Variants in SH3TC2 observed in about 807,000 individuals in gnomAD.
SH3TC2 encodes the protein SH3 domain and tetratricopeptide repeats 2.
Under a neutral mutation model 124.5 loss-of-function variants are expected in SH3TC2, and 87 were observed. The observed-to-expected ratio is 0.70, with a 90% CI of 0.59 to 0.84. The LOEUF is 0.84. Ranked by LOEUF, SH3TC2 falls within the 40% of genes least tolerant of loss-of-function variation. SH3TC2 has a pLI of 0.00. For synonymous variants in SH3TC2, 634 were observed against 628.5 expected (o/e 1.01, Z -0.13); for missense variants, 1,536 against 1,566.4 (o/e 0.98, Z 0.33).
chr5:149,055,997 T>C (rs142374185), intron 1 of SH3TC2, among the ~76,000 whole-genome samples: 13 of 152,324 alleles, frequency 8.5e-5, no homozygotes, highest in Non-Finnish European at 1.6e-4. Context: ...TCGATGAGTA[T>C]ATTCACTTGT....
rs201323132 is a variant in SH3TC2 at position 148,994,697 on chromosome 5, A to AGGATGGATGGATGGAT, written c.*9998_*10013dup. Among the ~76,000 whole-genome samples, 1,702 of 144,826 alleles carry AGGATGGATGGATGGAT rather than the reference A, an allele frequency of 0.012. 18 individuals are homozygous for AGGATGGATGGATGGAT. Among genetic ancestry groups the AGGATGGATGGATGGAT allele is most frequent in the East Asian group, 0.027 (136 of 4,948 alleles). ...TTGGATAAATGAATGGATGGATGGA[A>AGGATGGATGGATGGAT]GGATGGATGGATGGATGGATGGATG... is the stretch of plus-strand genomic sequence containing the variant. On this transcript the variant is annotated 3_prime_UTR_variant, in exon 17 of 17. Transcript: ENST00000515425.
rs143769379 is a variant in SH3TC2, at chr5:149,050,422, T to C, written c.151+1720A>G. Among the ~76,000 whole-genome samples the C allele has an allele frequency of 3.5e-3, 526 of 152,302 alleles. 2 individuals are homozygous for C. The highest frequency in any genetic ancestry group is 0.01 in the African/African-American group (419 of 41,560). On this transcript the variant is annotated intron_variant, in intron 2 of 16. Transcript: ENST00000515425. ...TCCCCTTCTCACTCCATGACCTTCC[T>C]GGAAACAGCATCAGGGTGGAAAATG...
At chr5:149,054,907 T>C (rs1754616245) in intron 1 of SH3TC2, among the ~76,000 whole-genome samples, 3 of 152,168 alleles carry the variant, frequency 2.0e-5, no homozygotes, top group Admixed American at 1.3e-4. Flanking sequence ...AGAAGGGAAG[T>C]CAAGGATGGG....
At chr5:149,054,648 G>T (rs1754612071) in intron 1 of SH3TC2, among the ~76,000 whole-genome samples, 1 of 152,162 alleles carries the variant, frequency 6.6e-6, no homozygotes, top group Non-Finnish European at 1.5e-5. Flanking sequence ...CCAGATGCTT[G>T]AGTTTGTTTT....
At position 148,992,604 on chromosome 5, in the gene SH3TC2, T is replaced by C. The variant is rs1179445233; in HGVS notation, c.*12107A>G. Among the ~76,000 whole-genome samples, 1 of 51,262 alleles carries C rather than the reference T, an allele frequency of 2.0e-5. No individual in the cohort carries two copies. Among genetic ancestry groups the C allele is most frequent in the African/African-American group, 1.2e-4 (1 of 8,394 alleles). 33.6% of individuals were successfully genotyped at this position (51,262 alleles called of 152,430 possible). A position where few individuals can be genotyped will look rare whatever the true frequency, so the allele number is the denominator to read the frequency against. ...TTCCAAGAAGAGATTTCATTGGTTT[T>C]TTTTTTTTTTTTTTTTTTCAGATTT... is the stretch of plus-strand genomic sequence containing the variant. On this transcript the variant is annotated 3_prime_UTR_variant, in exon 17 of 17. Transcript: ENST00000515425.
chr5:149,043,693 T>G (rs1211494896), intron 4 of SH3TC2: 1 of 151,208 alleles, frequency 6.6e-6, no homozygotes, highest in African/African-American at 2.4e-5. Context: ...AACGAGCCGG[T>G]CTATGGAGCA....
chr5:149,037,433 C>T (rs527502038), intron 8 of SH3TC2, among the ~76,000 whole-genome samples: 2 of 152,310 alleles, frequency 1.3e-5, no homozygotes, highest in East Asian at 1.9e-4. Flanking sequence ...CCTCTCCCCA[C>T]GAAGGGCAGG....
At position 148,998,832 on chromosome 5, in the gene SH3TC2, C is replaced by A. The variant is rs945686921; in HGVS notation, c.*5879G>T. The stretch of plus-strand genomic sequence containing the variant: ...CCTCCATCCTCAAGTCCCCTGAGTT[C>A]TGGAATAATCAGACAGAGTTGGGAG... On this transcript the variant is annotated 3_prime_UTR_variant, in exon 17 of 17. Transcript: ENST00000515425. 2.0e-5 allele frequency among the ~76,000 whole-genome samples: 3 copies of A among 152,148 alleles called. No individual in the cohort carries two copies. The highest frequency in any genetic ancestry group is 7.2e-5 in the African/African-American group (3 of 41,424).
In SH3TC2 at chr5:149,028,269, T is replaced by G; in HGVS notation, c.1463A>C (p.Asp488Ala). 1 of 1,613,924 alleles carries G rather than the reference T, an allele frequency of 6.2e-7. No individual in the cohort carries two copies. The highest frequency in any genetic ancestry group is 8.5e-7 in the Non-Finnish European group (1 of 1,180,028). ...GYADHFKSLY[D>A]FSFSFLTSSF... ...AGAAGTGAGGAAAGAGAAGGAGAAGTCATAGAGACTCTTAAAGTGGTCAGC... is the reference window on the plus strand; with the variant it reads ...AGAAGTGAGGAAAGAGAAGGAGAAGGCATAGAGACTCTTAAAGTGGTCAGC... Residue 488 changes from aspartate (D) to alanine (A), a missense_variant, in exon 11 of 17, where the codon GAC (aspartate) becomes GCC (alanine). By Grantham distance (126) the Asp-to-Ala change is moderately radical. Around this residue, in one of 3 missense-constraint regions of SH3TC2, gnomAD observed 1,102 missense variants for 1,098.6 expected, o/e 1.00. Transcript: ENST00000515425.
rs148831039 is a variant in SH3TC2, at chr5:149,006,940, C to A, written c.3616G>T (p.Ala1206Ser). 2 of 1,613,994 alleles carry A rather than the reference C, an allele frequency of 1.2e-6. No individual in the cohort carries two copies. Among genetic ancestry groups the A allele is most frequent in the East Asian group, 4.5e-5 (2 of 44,884 alleles). Reference sequence around the variant, plus strand: ...TAATACACCTTGGCATAGTACAGGGCCTCCTTGGGACTCTGCAGCCATGGT... The same window carrying A: ...TAATACACCTTGGCATAGTACAGGGACTCCTTGGGACTCTGCAGCCATGGT... ...CPPWLQSPKE[A>S]LYYAKVYYRL... Residue 1206 changes from alanine to serine, a missense_variant, in exon 16 of 17, where the codon GCC becomes TCC. By Grantham distance (99) the Ala-to-Ser change is moderately conservative (BLOSUM62 1). This residue lies in a region of SH3TC2 where 426 missense variants were observed against 443.5 expected (regional missense o/e 0.96). Coordinates refer to ENST00000515425, the MANE Select transcript of SH3TC2 (RefSeq NM_024577.4).
In SH3TC2 at chr5:149,007,230, T is replaced by A. The variant is rs538942272; in HGVS notation, c.3479-153A>T. Reference sequence around the variant, plus strand: ...AAGACAGAAGAGGTGCCTGTACTCATAAAGCTTATTGTCTCACATGACAGA... The same window carrying A: ...AAGACAGAAGAGGTGCCTGTACTCAAAAAGCTTATTGTCTCACATGACAGA... On this transcript the variant is annotated intron_variant, in intron 15 of 16. Coordinates refer to ENST00000515425, the MANE Select transcript of SH3TC2 (RefSeq NM_024577.4). 7.5e-4 allele frequency: 540 copies of A among 718,312 alleles called. 1 individual carries two copies. The highest frequency in any genetic ancestry group is 1.3e-3 in the Non-Finnish European group (507 of 398,688). The allele number at this position is 718,312 out of a possible 1,614,324, so 44.5% of individuals were successfully genotyped here. A position where few individuals can be genotyped will look rare whatever the true frequency, so the allele number is the denominator to read the frequency against.
At position 149,031,587 on chromosome 5, in the gene SH3TC2, CA is replaced by C; in HGVS notation, c.1101del (p.Ala368LeufsTer24). 6.2e-7 allele frequency: 1 copy of C among 1,614,130 alleles called. No homozygotes were observed. The highest frequency in any genetic ancestry group is 8.5e-7 in the Non-Finnish European group (1 of 1,180,028). On this transcript the variant is annotated frameshift_variant, in exon 9 of 17. Transcript: ENST00000515425. LOFTEE classifies it high-confidence loss of function. Reference protein sequence around the residue: ...QTECSSFLHTLARTDITSVYR... With the variant: ...QTECSSFLHTXARTDITSVYR... The stretch of plus-strand genomic sequence containing the variant: ...TAGACAGATGTGATGTCAGTGCGAG[CA>C]AGAGTGTGGAGGAAGCTGGAACACT...
chr5:148,998,138 G>C lies in SH3TC2; in HGVS notation c.*6573C>G, dbSNP rs1287074796. ...AATAGAATGTTTTTAAAAATGAATA[G>C]AACAAAACAGAATGTATGAGTGCAT... is the stretch of plus-strand genomic sequence containing the variant. On this transcript the variant is annotated 3_prime_UTR_variant, in exon 17 of 17. Transcript: ENST00000515425. Among the ~76,000 whole-genome samples, 1 of 151,976 alleles carries C rather than the reference G, an allele frequency of 6.6e-6. No homozygotes were observed. The highest frequency in any genetic ancestry group is 1.5e-5 in the Non-Finnish European group (1 of 67,996).
intron 7 of SH3TC2, among the ~76,000 whole-genome samples, chr5:149,039,267 A>G (rs1323207326): frequency 6.6e-6 from 1 of 152,218 alleles, no homozygotes; most frequent in Non-Finnish European, 1.5e-5. Flanking sequence ...GGTCTTCTCA[A>G]GAGCTTCAAA....
chr5:149,027,796 G>C lies in SH3TC2; in HGVS notation c.1936C>G (p.Leu646Val). 4.3e-6 allele frequency: 7 copies of C among 1,613,968 alleles called. No homozygotes were observed. Among genetic ancestry groups the C allele is most frequent in the Non-Finnish European group, 5.9e-6 (7 of 1,180,016 alleles). ...CFLAIRLLLS[L>V]GRHEEVLPFA... The stretch of plus-strand genomic sequence containing the variant: ...GGCAGGACCTCCTCGTGCCGGCCTA[G>C]GCTCAGGAGCAAGCGGATGGCCAGA... The change falls in exon 11 of 17, where the codon CTA (leucine) becomes GTA (valine). Residue 646 changes from leucine to valine, a missense_variant. Around this residue, in one of 3 missense-constraint regions of SH3TC2, gnomAD observed 1,102 missense variants for 1,098.6 expected, o/e 1.00. Transcript: ENST00000515425.
rs770904127 is a variant in SH3TC2, at chr5:149,027,102, A to G, written c.2630T>C (p.Val877Ala). ...QEVGDVHNQA[V>A]AMANLGHLSL... Reference sequence around the variant, plus strand: ...CAGGTGGCCAAGATTGGCCATAGCCACTGCCTGGTTATGCACATCTCCCAC... The same window carrying G: ...CAGGTGGCCAAGATTGGCCATAGCCGCTGCCTGGTTATGCACATCTCCCAC... The change falls in exon 11 of 17, where the codon GTG becomes GCG. Residue 877 changes from valine to alanine, a missense_variant. Physicochemically the swap from Val to Ala is moderately conservative, Grantham distance 64 (BLOSUM62 0). Coordinates refer to ENST00000515425, the MANE Select transcript of SH3TC2 (RefSeq NM_024577.4). 2 of 1,614,156 alleles carry G rather than the reference A, an allele frequency of 1.2e-6. No homozygotes were observed. Among genetic ancestry groups the G allele is most frequent in the Non-Finnish European group, 1.7e-6 (2 of 1,180,010 alleles).
At chr5:149,020,875 C>T (rs749806578) in intron 12 of SH3TC2, among the ~76,000 whole-genome samples, 2 of 152,062 alleles carry the variant, frequency 1.3e-5, no homozygotes, top group Non-Finnish European at 2.9e-5. Flanking sequence ...TAATAACACA[C>T]TTTCAATAAT....
rs753180594 is a variant in SH3TC2, at chr5:149,027,682, AT to A, written c.2049del (p.Lys683AsnfsTer68). ...GAGGCCACTGCAAGGTGTGGAAGAT[AT>A]TTCTTGTCATACAGAAAACTCAAAA... ...ASVLSFLYDK[K>X]YLPHLAVASV... On this transcript the variant is annotated frameshift_variant, in exon 11 of 17. Transcript: ENST00000515425. LOFTEE classifies it high-confidence loss of function. 1 of 1,614,128 alleles carries A rather than the reference AT, an allele frequency of 6.2e-7. No individual in the cohort carries two copies. Among genetic ancestry groups the A allele is most frequent in the Non-Finnish European group, 8.5e-7 (1 of 1,179,964 alleles).
At position 149,004,561 on chromosome 5, in the gene SH3TC2, C is replaced by T; in HGVS notation, c.*150G>A. On this transcript the variant is annotated 3_prime_UTR_variant, in exon 17 of 17. Transcript: ENST00000515425. The stretch of plus-strand genomic sequence containing the variant: ...AATCTTTCTGTGGCCTGCAATGAGC[C>T]CTTCTCCTCCTGGACTTCATTCTTC... 3.9e-6 allele frequency: 3 copies of T among 773,558 alleles called. No individual in the cohort carries two copies. The highest frequency in any genetic ancestry group is 6.2e-6 in the Non-Finnish European group (3 of 482,208). 47.9% of individuals were successfully genotyped at this position (773,558 alleles called of 1,614,324 possible). A position where few individuals can be genotyped will look rare whatever the true frequency, so the allele number is the denominator to read the frequency against.
Sources: allele counts gnomAD v4.1 joint callset (sites outside exome capture counted in the v4.1 genomes callset), GRCh38; gene constraint gnomAD v4.1.1; regional missense constraint gnomAD v4.1.1; transcripts MANE v1.5; gene names NCBI Gene and HGNC (gene_info 2026-07-23, HGNC 2026-07-21).